KCNA3: variants seen among roughly 807,000 people sequenced by gnomAD.
The protein encoded by KCNA3 is RP11-284N8.3.
In KCNA3, 18 loss-of-function variants were observed where a neutral mutation model predicts 34.3. That is an observed-to-expected ratio of 0.52 (90% CI 0.36 to 0.78). The LOEUF (loss-of-function observed/expected upper bound fraction) is 0.78, where lower values mean the gene tolerates loss of function less well. Among genes scored for constraint, KCNA3 ranks in the 30% least tolerant of loss-of-function variants. The pLI is 0.00. For synonymous variants in KCNA3, 324 were observed against 351.7 expected (o/e 0.92, Z 0.88); for missense variants, 587 against 802.5 (o/e 0.73, Z 3.24).
chr1:110,665,885 T>C, the KCNA3 span, among the ~76,000 whole-genome samples: 1 of 152,114 alleles, frequency 6.6e-6, no homozygotes, highest in African/African-American at 2.4e-5. Context: ...GGTATCGTTA[T>C]ATGAGGTTAC....
the KCNA3 span, chr1:110,656,263 T>C: frequency 6.6e-6 from 1 of 152,218 alleles, no homozygotes; most frequent in African/African-American, 2.4e-5. Flanking sequence ...CATTCAAAGA[T>C]GAAATGATAA....
chr1:110,656,202 T>A, the KCNA3 span: 1 of 152,338 alleles, frequency 6.6e-6, no homozygotes, highest in East Asian at 1.9e-4. Flanking sequence ...CTACAAAAAT[T>A]TAAAGAGAAG....
downstream of KCNA3, among the ~76,000 whole-genome samples, chr1:110,667,778 T>G (rs895879381): frequency 2.6e-5 from 4 of 152,206 alleles, no homozygotes; most frequent in Non-Finnish European, 5.9e-5. Flanking sequence ...TTTTGAAAAT[T>G]AGCTCACGAC....
the KCNA3 span, among the ~76,000 whole-genome samples, chr1:110,658,671 C>A: frequency 6.6e-6 from 1 of 151,844 alleles, no homozygotes; most frequent in South Asian, 2.1e-4. Flanking sequence ...GTTAAGGAAA[C>A]TTTTACATAT....
rs1652012440 is a variant in KCNA3, at chr1:110,674,554, A to T, written c.256T>A (p.Tyr86Asn). 6.4e-7 allele frequency: 1 copy of T among 1,572,022 alleles called. No individual in the cohort carries two copies. Among genetic ancestry groups the T allele is most frequent in the Non-Finnish European group, 8.6e-7 (1 of 1,162,854 alleles). The change falls in exon 1 of 1, where the codon TAC becomes AAC. Residue 86 changes from tyrosine to asparagine, a missense_variant. This residue lies in a region of KCNA3 where 341 missense variants were observed against 355.4 expected (regional missense o/e 0.96). Transcript: ENST00000369769. This position sits in a 1 kb window ranked among gnomAD's most constrained non-coding sequence, Gnocchi z 6.4. ...GGCGGGGCDR[Y>N]EPLPPSLPAA... Reference sequence around the variant, plus strand: ...GGCAGTGAGGGCGGCAGCGGCTCGTAGCGGTCGCAGCCGCCGCCGCCACAG... The same window carrying T: ...GGCAGTGAGGGCGGCAGCGGCTCGTTGCGGTCGCAGCCGCCGCCGCCACAG...
At chr1:110,671,297 G>A (rs1399975497), downstream of KCNA3, among the ~76,000 whole-genome samples, 2 of 152,160 alleles carry the variant, frequency 1.3e-5, no homozygotes, top group South Asian at 2.1e-4. Context: ...GAAACTAAAC[G>A]ACAGTTAGCA....
chr1:110,660,068 GAAGTTA>G, the KCNA3 span, among the ~76,000 whole-genome samples: 2 of 151,900 alleles, frequency 1.3e-5, no homozygotes, highest in East Asian at 1.9e-4. Context: ...ATGTAACCTA[GAAGTTA>G]AAGTATAATT....
Position 110,673,287 on chromosome 1 carries a change from A to C in KCNA3, c.1523T>G (p.Leu508Arg), listed in dbSNP as rs1294293748. 10 of 1,613,416 alleles carry C rather than the reference A, an allele frequency of 6.2e-6. No individual in the cohort carries two copies. The highest frequency in any genetic ancestry group is 1.3e-5 in the African/African-American group (1 of 74,664). ...TCGGAGCTCCTCGGCTGAAGAGGAG[A>C]GGTGCTGGCAACTTCCCACGTGCAT... ...QYMHVGSCQH[L>R]SSSAEELRKA... Residue 508 changes from leucine to arginine, a missense_variant, in exon 1 of 1, where the codon CTC becomes CGC. By Grantham distance (102) the Leu-to-Arg change is moderately radical (BLOSUM62 -2). Transcript: ENST00000369769. The surrounding 1 kb of genome is among the most constrained non-coding windows in gnomAD (Gnocchi z 8.8).
At position 110,674,015 on chromosome 1, in the gene KCNA3, G is replaced by A. The variant is rs1651982123; in HGVS notation, c.795C>T (p.Tyr265=). The A allele has an allele frequency of 6.2e-7, 1 of 1,611,592 alleles. No homozygotes were observed. The highest frequency in any genetic ancestry group is 2.2e-5 in the East Asian group (1 of 44,792). ...TLPEFRDEKD[Y]PASTSQDSFE... ...ATGAGTCCTGCGACGTCGAGGCGGG[G>A]TAGTCCTTCTCGTCGCGGAACTCCG... Residue 265 remains tyrosine, a synonymous_variant, in exon 1 of 1, where the codon TAC becomes TAT. Coordinates refer to ENST00000369769, the MANE Select transcript of KCNA3 (RefSeq NM_002232.5). This position sits in a 1 kb window ranked among gnomAD's most constrained non-coding sequence, Gnocchi z 6.4.
chr1:110,658,577 C>A, the KCNA3 span, among the ~76,000 whole-genome samples: 3 of 152,068 alleles, frequency 2.0e-5, no homozygotes, highest in Non-Finnish European at 4.4e-5. Context: ...ATCTTCATGA[C>A]CTCCTAAATC....
the KCNA3 span, among the ~76,000 whole-genome samples, chr1:110,664,366 T>C: frequency 2.6e-5 from 4 of 152,216 alleles, no homozygotes; most frequent in African/African-American, 9.6e-5. Flanking sequence ...AGGTAACAGT[T>C]AAGTTACTTA....
the KCNA3 span, among the ~76,000 whole-genome samples, chr1:110,666,753 C>T: frequency 1.3e-5 from 2 of 151,922 alleles, no homozygotes; most frequent in East Asian, 3.9e-4. Flanking sequence ...CTGGCAGTGC[C>T]ACAGTAAAGT....
At chr1:110,655,873 C>T in the KCNA3 span, 1 of 152,042 alleles carries the variant, frequency 6.6e-6, no homozygotes, top group African/African-American at 2.4e-5. Flanking sequence ...GGTATAGTCG[C>T]CTCTTATCTG....
At chr1:110,654,493 T>C in the KCNA3 span, 1 of 152,146 alleles carries the variant, frequency 6.6e-6, no homozygotes, top group African/African-American at 2.4e-5. Context: ...TGATGGATTT[T>C]TAAAAAGGGA....
At chr1:110,655,293 C>A in the KCNA3 span, 9 of 152,106 alleles carry the variant, frequency 5.9e-5, no homozygotes, top group African/African-American at 2.2e-4. Flanking sequence ...TATAGTCATA[C>A]AATTTTATGG....
chr1:110,665,253 CG>C, the KCNA3 span, among the ~76,000 whole-genome samples: 1 of 152,122 alleles, frequency 6.6e-6, no homozygotes. Context: ...GAGGACCAAT[CG>C]GGAGGCTACT....
the KCNA3 span, chr1:110,656,440 G>A: frequency 7.9e-5 from 12 of 152,104 alleles, no homozygotes; most frequent in South Asian, 2.1e-3. Context: ...CTAGAGGGGA[G>A]CAACATGTAC....
the KCNA3 span, among the ~76,000 whole-genome samples, chr1:110,666,743 C>A: frequency 6.6e-6 from 1 of 151,840 alleles, no homozygotes; most frequent in Admixed American, 6.6e-5. Flanking sequence ...TACAGTGGTC[C>A]TGGCAGTGCC....
rs1430810287 is a variant in KCNA3 at position 110,674,081 on chromosome 1, G to A, written c.729C>T (p.Val243=). The change falls in exon 1 of 1, where the codon GTC becomes GTT. Residue 243 remains valine, a synonymous_variant. Transcript: ENST00000369769. This position sits in a 1 kb window ranked among gnomAD's most constrained non-coding sequence, Gnocchi z 6.4. ...ARGIAIVSVL[V]ILISIVIFCL... ...AGAAGATGACAATGGAGATGAGGAT[G>A]ACCAGCACGGACACGATGGCGATGC... is the stretch of plus-strand genomic sequence containing the variant. The A allele has an allele frequency of 6.2e-7, 1 of 1,608,990 alleles. No individual in the cohort carries two copies. The highest frequency in any genetic ancestry group is 2.2e-5 in the East Asian group (1 of 44,774).
Sources: gnomAD v4.1 joint callset for allele counts (sites outside exome capture counted in the v4.1 genomes callset) on GRCh38, gnomAD v4.1.1 for gene constraint, gnomAD v4.1.1 regional missense constraint, Gnocchi (gnomAD v3.1) non-coding constraint, MANE v1.5 for transcripts, NCBI Gene and HGNC (gene_info 2026-07-23, HGNC 2026-07-21) for gene names.